CDH13: variants seen among roughly 807,000 people sequenced by gnomAD.
CDH13 encodes cadherin-13.
A neutral mutation model predicts 63.8 loss-of-function variants in CDH13; 24 were observed. That is an observed-to-expected ratio of 0.38 (90% CI 0.27 to 0.53). CDH13 has a LOEUF of 0.53. Ranked by LOEUF, CDH13 falls within the 20% of genes least tolerant of loss-of-function variation. CDH13 has a pLI of 0.85. For synonymous variants in CDH13, 503 were observed against 355.3 expected, an observed-to-expected ratio of 1.42 and a Z score of -4.67; for missense variants, 1,049 against 903.1, an observed-to-expected ratio of 1.16 and a Z score of -2.07.
chr16:83,659,915 T>C (rs914207607), intron 8 of CDH13, among the ~76,000 whole-genome samples: 1 of 151,536 alleles, frequency 6.6e-6, no homozygotes, highest in Non-Finnish European at 1.5e-5. Context: ...GCCTCCCAAG[T>C]AGCGGGGACT....
At chr16:83,565,449 C>T (rs1904274893) in intron 7 of CDH13, among the ~76,000 whole-genome samples, 1 of 144,550 alleles carries the variant, frequency 6.9e-6, no homozygotes, top group Non-Finnish European at 1.5e-5. Flanking sequence ...TCTTCTTTCC[C>T]CAAGAGTACT....
In CDH13 at chr16:83,022,360, T is replaced by C. The variant is rs541419994; in HGVS notation, c.158-9650T>C. On this transcript the variant is annotated intron_variant, in intron 2 of 13. Transcript: ENST00000567109. ...TCTCCATCTCAGGCAAAACAGACAA[T>C]CTACATTCTTATGCTCTGGGGCAGT... Among the ~76,000 whole-genome samples, 16 of 152,298 alleles carry C rather than the reference T, an allele frequency of 1.1e-4. No homozygotes were observed. In the East Asian group the frequency reaches 3.1e-3, roughly 29 times the overall value.
At chr16:83,131,466 T>TC (rs2036050040) in intron 4 of CDH13, among the ~76,000 whole-genome samples, 1 of 152,126 alleles carries the variant, frequency 6.6e-6, no homozygotes, top group Non-Finnish European at 1.5e-5. Flanking sequence ...AGTGGCTTTT[T>TC]CCCCTCCCCC....
intron 1 of CDH13, among the ~76,000 whole-genome samples, chr16:82,804,269 A>G (rs1015209051): frequency 7.5e-6 from 1 of 132,530 alleles, no homozygotes; most frequent in African/African-American, 2.9e-5. Flanking sequence ...AGGTTAGGGG[A>G]TCTTGCTACA....
At chr16:83,183,810 T>A (rs573504836) in intron 4 of CDH13, among the ~76,000 whole-genome samples, 9 of 152,256 alleles carry the variant, frequency 5.9e-5, no homozygotes, top group African/African-American at 2.2e-4. Context: ...TTGGCAAAAG[T>A]TTTTTGATGT....
At chr16:82,788,168 C>T (rs1242155845) in intron 1 of CDH13, among the ~76,000 whole-genome samples, 2 of 152,162 alleles carry the variant, frequency 1.3e-5, no homozygotes, top group African/African-American at 4.8e-5. Context: ...AAAGTGTCTC[C>T]TTCCTAGAGA....
chr16:83,192,418 A>G (rs868360307), intron 4 of CDH13, among the ~76,000 whole-genome samples: 1 of 152,202 alleles, frequency 6.6e-6, no homozygotes, highest in Non-Finnish European at 1.5e-5. Flanking sequence ...AGACTTGCTC[A>G]GAATGATCCA....
chr16:82,708,079 TGAA>T (rs2031632875), intron 1 of CDH13, among the ~76,000 whole-genome samples: 1 of 152,214 alleles, frequency 6.6e-6, no homozygotes, highest in Non-Finnish European at 1.5e-5. Context: ...TCTGCATGGT[TGAA>T]GGTGGCTCAT....
chr16:82,822,066 C>T (rs1390320138), intron 1 of CDH13, among the ~76,000 whole-genome samples: 2 of 152,186 alleles, frequency 1.3e-5, no homozygotes, highest in Admixed American at 6.5e-5. Context: ...GCTCCAAGGA[C>T]TTTGTGTGAA....
chr16:82,923,031 A>G (rs2151283472), intron 2 of CDH13, among the ~76,000 whole-genome samples: 1 of 152,292 alleles, frequency 6.6e-6, no homozygotes, highest in African/African-American at 2.4e-5. Flanking sequence ...TTTAGAAAGT[A>G]TATACCTTAA....
At position 82,819,064 on chromosome 16, in the gene CDH13, T is replaced by C. The variant is rs143929054; in HGVS notation, c.46-39298T>C. On this transcript the variant is annotated intron_variant, in intron 1 of 13. Coordinates refer to ENST00000567109, the MANE Select transcript of CDH13 (RefSeq NM_001257.5). The stretch of plus-strand genomic sequence containing the variant: ...TGTGTGATTGCTTCTATTTATTCAA[T>C]ACTAAAGAACAGAAGATTGAGTTTT... Among the ~76,000 whole-genome samples, 64 of 152,298 alleles carry C rather than the reference T, an allele frequency of 4.2e-4. No individual in the cohort carries two copies. The East Asian group carries it at 0.011, about 27-fold the overall frequency.
intron 2 of CDH13, among the ~76,000 whole-genome samples, chr16:82,875,399 T>G (rs1751024773): frequency 1.3e-5 from 2 of 152,104 alleles, no homozygotes; most frequent in Non-Finnish European, 2.9e-5. Flanking sequence ...AGATACTTAA[T>G]TAAAATAGAA....
intron 1 of CDH13, among the ~76,000 whole-genome samples, chr16:82,822,198 AAAAT>A (rs1313322304): frequency 6.6e-6 from 1 of 152,240 alleles, no homozygotes; most frequent in African/African-American, 2.4e-5. Flanking sequence ...GCAATATAAA[AAAAT>A]AAATAAAACT....
At chr16:82,872,340 C>A (rs191237592) in intron 2 of CDH13, among the ~76,000 whole-genome samples, 8 of 152,222 alleles carry the variant, frequency 5.3e-5, no homozygotes, top group Non-Finnish European at 7.3e-5. Flanking sequence ...ACTCTTCAAC[C>A]TGTTGAGTGT....
chr16:82,647,617 C>T (rs1910250192), intron 1 of CDH13, among the ~76,000 whole-genome samples: 1 of 141,966 alleles, frequency 7.0e-6, no homozygotes, highest in Admixed American at 6.8e-5. Flanking sequence ...AGATTTTATG[C>T]CACAAATCTG....
intron 6 of CDH13, among the ~76,000 whole-genome samples, chr16:83,384,210 C>A (rs949171956): frequency 1.3e-5 from 2 of 152,190 alleles, no homozygotes; most frequent in Non-Finnish European, 2.9e-5. Context: ...AGTGAGAAAC[C>A]TATTATTATT....
At chr16:83,793,676 C>T (rs1470660315) in intron 13 of CDH13, among the ~76,000 whole-genome samples, 3 of 151,936 alleles carry the variant, frequency 2.0e-5, no homozygotes, top group East Asian at 3.9e-4. Flanking sequence ...AAAGAGACTT[C>T]GGGCAGGCAC....
chr16:82,789,356 T>C (rs1390190762), intron 1 of CDH13, among the ~76,000 whole-genome samples: 1 of 152,168 alleles, frequency 6.6e-6, no homozygotes, highest in Non-Finnish European at 1.5e-5. Context: ...TTCTGAGAGA[T>C]ATAAAGAGGC....
At chr16:82,869,544 G>A (rs2040271474) in intron 2 of CDH13, among the ~76,000 whole-genome samples, 1 of 152,064 alleles carries the variant, frequency 6.6e-6, no homozygotes, top group Non-Finnish European at 1.5e-5. Flanking sequence ...TGAGCAAAAA[G>A]AACAAAATTA....
Sources: gnomAD v4.1 joint callset for allele counts (sites outside exome capture counted in the v4.1 genomes callset) on GRCh38, gnomAD v4.1.1 for gene constraint, MANE v1.5 for transcripts, NCBI Gene and HGNC (gene_info 2026-07-23, HGNC 2026-07-21) for gene names.